The following EXOC6B variants were observed in gnomAD, a reference collection of about 807,000 sequenced individuals.
EXOC6B encodes the protein exocyst complex component 6B.
EXOC6B carries 54 observed loss-of-function variants against 113.5 expected under a neutral mutation model. The observed-to-expected ratio is 0.48, with a 90% CI of 0.38 to 0.60. EXOC6B has a LOEUF of 0.60. EXOC6B is among the 20% of genes least tolerant of loss of function. The pLI, the probability that EXOC6B is intolerant of heterozygous loss-of-function variation, is 0.00. For missense variants in EXOC6B, 797 were observed against 977.5 expected (o/e 0.82, Z 2.46); for synonymous variants, 357 against 339.0 (o/e 1.05, Z -0.58).
chr2:72,194,544 G>C (rs1679039078), intron 20 of EXOC6B, among the ~76,000 whole-genome samples: 1 of 150,290 alleles, frequency 6.7e-6, no homozygotes, highest in African/African-American at 2.5e-5. Flanking sequence ...AATCCACTCT[G>C]CTCCCAATTG....
chr2:72,409,251 AC>A (rs1693999281), intron 18 of EXOC6B, among the ~76,000 whole-genome samples: 2 of 152,194 alleles, frequency 1.3e-5, no homozygotes, highest in African/African-American at 4.8e-5. Context: ...ATACAGGAAC[AC>A]TTTTACACTG....
At position 72,498,695 on chromosome 2, in the gene EXOC6B, G is replaced by C; in HGVS notation, c.1240-144C>G. On this transcript the variant is annotated intron_variant, in intron 12 of 21. Coordinates refer to ENST00000272427, the MANE Select transcript of EXOC6B (RefSeq NM_015189.3). ...GCAAATTAAATAAAACCATTTAGTA[G>C]AATCTTTCATTCACACCTAATATCT... 3 of 575,184 alleles carry C rather than the reference G, an allele frequency of 5.2e-6. 1 individual carries two copies. The South Asian group carries it at 6.7e-5, about 13-fold the overall frequency. 35.6% of individuals were successfully genotyped at this position (575,184 alleles called of 1,614,324 possible).
chr2:72,345,563 G>T (rs927455235), intron 19 of EXOC6B, among the ~76,000 whole-genome samples: 1 of 152,052 alleles, frequency 6.6e-6, no homozygotes. Context: ...ATTACTAAAT[G>T]ACAGAAGCCA....
chr2:72,421,982 C>T (rs1262713996), intron 18 of EXOC6B, among the ~76,000 whole-genome samples: 1 of 152,236 alleles, frequency 6.6e-6, no homozygotes, highest in African/African-American at 2.4e-5. Flanking sequence ...CCAGTGGCTG[C>T]GGAGGGTGTA....
intron 1 of EXOC6B, among the ~76,000 whole-genome samples, chr2:72,746,952 G>T (rs1329392873): frequency 6.6e-6 from 1 of 152,000 alleles, no homozygotes; most frequent in Non-Finnish European, 1.5e-5. Flanking sequence ...CAAGTTAAAT[G>T]CCTTAATCAA....
At chr2:72,800,448 T>C (rs749308139) in intron 1 of EXOC6B, among the ~76,000 whole-genome samples, 10 of 152,174 alleles carry the variant, frequency 6.6e-5, no homozygotes, top group Admixed American at 6.5e-5. Flanking sequence ...AAAATACCTG[T>C]TGTTTAATTT....
At chr2:72,269,248 G>T (rs1243578297) in intron 20 of EXOC6B, among the ~76,000 whole-genome samples, 2 of 151,726 alleles carry the variant, frequency 1.3e-5, no homozygotes. Flanking sequence ...TACAGTATTT[G>T]TTATTATATT....
At chr2:72,286,179 C>A (rs916559339) in intron 20 of EXOC6B, among the ~76,000 whole-genome samples, 1 of 152,132 alleles carries the variant, frequency 6.6e-6, no homozygotes, top group Non-Finnish European at 1.5e-5. Context: ...TATATTCACA[C>A]AAAAATCTGC....
intron 19 of EXOC6B, among the ~76,000 whole-genome samples, chr2:72,372,548 G>A (rs774336337): frequency 6.6e-6 from 1 of 152,118 alleles, no homozygotes; most frequent in Non-Finnish European, 1.5e-5. Flanking sequence ...AGAGAAAGGT[G>A]TCAAGAACAC....
chr2:72,690,868 C>T (rs1342791235), intron 6 of EXOC6B, among the ~76,000 whole-genome samples: 2 of 152,100 alleles, frequency 1.3e-5, no homozygotes, highest in African/African-American at 2.4e-5. Context: ...TTCCTAATAC[C>T]TGTGAATGTG....
chr2:72,183,453 T>C (rs775039225), intron 21 of EXOC6B, among the ~76,000 whole-genome samples: 1 of 152,204 alleles, frequency 6.6e-6, no homozygotes, highest in Non-Finnish European at 1.5e-5. Flanking sequence ...GTAGCACCTC[T>C]GCTTCAGAGA....
intron 18 of EXOC6B, among the ~76,000 whole-genome samples, chr2:72,413,721 CCT>C (rs1004913289): frequency 3.5e-4 from 53 of 151,742 alleles, no homozygotes; most frequent in South Asian, 4.2e-4. Flanking sequence ...AAAGATGGGG[CCT>C]CTCTATGCTG....
chr2:72,318,068 C>A (rs1332356263), intron 20 of EXOC6B, among the ~76,000 whole-genome samples: 1 of 152,148 alleles, frequency 6.6e-6, no homozygotes. Flanking sequence ...AGGCTCTTTT[C>A]TGTAGTACCA....
At chr2:72,779,919 A>C (rs774635494) in intron 1 of EXOC6B, among the ~76,000 whole-genome samples, 1 of 152,224 alleles carries the variant, frequency 6.6e-6, no homozygotes, top group South Asian at 2.1e-4. Context: ...GAAGACACAG[A>C]GGTGGGAGGA....
intron 20 of EXOC6B, among the ~76,000 whole-genome samples, chr2:72,308,200 C>T (rs1687003199): frequency 1.3e-5 from 2 of 152,170 alleles, no homozygotes; most frequent in Admixed American, 1.3e-4. Flanking sequence ...CCTAAACCCT[C>T]CAGGAAATGC....
At chr2:72,387,981 G>C (rs1007083492) in intron 18 of EXOC6B, among the ~76,000 whole-genome samples, 1 of 152,080 alleles carries the variant, frequency 6.6e-6, no homozygotes, top group Admixed American at 6.5e-5. Flanking sequence ...TAAGCTAGCA[G>C]TTCTCAACTG....
intron 7 of EXOC6B, among the ~76,000 whole-genome samples, chr2:72,564,842 C>T (rs759309455): frequency 6.6e-6 from 1 of 152,092 alleles, no homozygotes; most frequent in African/African-American, 2.4e-5. Context: ...AGAACCCTAT[C>T]CTAAAAAAGC....
chr2:72,503,625 T>C (rs538514547), intron 11 of EXOC6B, among the ~76,000 whole-genome samples: 1 of 152,372 alleles, frequency 6.6e-6, no homozygotes, highest in South Asian at 2.1e-4. Context: ...TTCCATGTTC[T>C]GGCAATTATA....
rs1049428925 is a variant in EXOC6B, at chr2:72,225,106, C to T, written c.2197-40919G>A. On this transcript the variant is annotated intron_variant, in intron 20 of 21. Coordinates refer to ENST00000272427, the MANE Select transcript of EXOC6B (RefSeq NM_015189.3). The stretch of plus-strand genomic sequence containing the variant: ...GGCTGAAGTGATGCATCCACTGTGG[C>T]CTCCCAAAGTGCTGGGATTATAGGC... 7.3e-5 allele frequency among the ~76,000 whole-genome samples: 11 copies of T among 150,776 alleles called. 1 individual carries two copies. The highest frequency in any genetic ancestry group is 2.7e-4 in the African/African-American group (11 of 41,122).
Sources: gnomAD v4.1 joint callset for allele counts (sites outside exome capture counted in the v4.1 genomes callset) on GRCh38, gnomAD v4.1.1 for gene constraint, MANE v1.5 for transcripts, NCBI Gene and HGNC (gene_info 2026-07-23, HGNC 2026-07-21) for gene names.